Variants in UVRAG observed in about 807,000 individuals in gnomAD.
UVRAG encodes UV radiation resistance-associated gene protein.
Under a neutral mutation model 78.0 loss-of-function variants are expected in UVRAG, and 19 were observed. The ratio of observed to expected loss-of-function variants is 0.24; its 90% confidence interval spans 0.17 to 0.36. The LOEUF (loss-of-function observed/expected upper bound fraction) is 0.36, where lower values mean the gene tolerates loss of function less well. UVRAG is among the 10% of genes least tolerant of loss of function. The pLI, the probability that UVRAG is intolerant of heterozygous loss-of-function variation, is 1.00. For synonymous variants in UVRAG, 323 were observed against 324.6 expected, an observed-to-expected ratio of 1.00 and a Z score of 0.05; for missense variants, 740 against 853.8, an observed-to-expected ratio of 0.87 and a Z score of 1.66.
intron 4 of UVRAG, among the ~76,000 whole-genome samples, chr11:75,888,031 T>G (rs1484412208): frequency 1.3e-5 from 2 of 152,252 alleles, no homozygotes; most frequent in Admixed American, 1.3e-4. Context: ...AAGAGAGTGG[T>G]TTGCAGACAT....
chr11:75,991,326 T>C (rs904813838), intron 8 of UVRAG, among the ~76,000 whole-genome samples: 3 of 152,208 alleles, frequency 2.0e-5, no homozygotes, highest in African/African-American at 2.4e-5. Flanking sequence ...TGGCATATAT[T>C]TCTGCATATC....
chr11:76,121,591 G>A (rs1045653762), intron 14 of UVRAG, among the ~76,000 whole-genome samples: 7 of 152,158 alleles, frequency 4.6e-5, no homozygotes, highest in Admixed American at 4.6e-4. Context: ...GAGATTATGT[G>A]CGAGGTTGCT....
At chr11:76,072,662 G>A (rs967288721) in intron 13 of UVRAG, among the ~76,000 whole-genome samples, 1 of 152,180 alleles carries the variant, frequency 6.6e-6, no homozygotes, top group African/African-American at 2.4e-5. Flanking sequence ...TTTTTAATGT[G>A]AAGATGAATT....
intron 1 of UVRAG, among the ~76,000 whole-genome samples, chr11:75,834,776 T>C (rs536322779): frequency 6.6e-6 from 1 of 152,192 alleles, no homozygotes; most frequent in East Asian, 1.9e-4. Flanking sequence ...ATTGTGCCAC[T>C]GCATTCCAGC....
At chr11:75,903,544 A>G (rs1204881768) in intron 5 of UVRAG, among the ~76,000 whole-genome samples, 2 of 152,182 alleles carry the variant, frequency 1.3e-5, no homozygotes, top group Non-Finnish European at 2.9e-5. Flanking sequence ...AAAGGTGTTC[A>G]GTCTGTGTGG....
At chr11:75,826,862 AT>A (rs1393016910) in intron 1 of UVRAG, among the ~76,000 whole-genome samples, 7 of 152,078 alleles carry the variant, frequency 4.6e-5, no homozygotes, top group Non-Finnish European at 1.0e-4. Context: ...CATTTTACTT[AT>A]CCATTCTTTG....
At position 75,888,809 on chromosome 11, in the gene UVRAG, G is replaced by A. The variant is rs375782413; in HGVS notation, c.433-20G>A. The A allele has an allele frequency of 8.8e-6, 14 of 1,598,988 alleles. No homozygotes were observed. Among genetic ancestry groups the A allele is most frequent in the African/African-American group, 1.3e-5 (1 of 74,416 alleles). The stretch of plus-strand genomic sequence containing the variant: ...GATCGGAATAAAAATAACAAATACT[G>A]TATTTTCCTCCTCTCTTAGATTCAT... On this transcript the variant is annotated intron_variant, in intron 4 of 14. Transcript: ENST00000356136.
At chr11:75,996,245 CAA>C (rs5792707) in intron 8 of UVRAG, among the ~76,000 whole-genome samples, 2,569 of 145,698 alleles carry the variant, frequency 0.018, 41 homozygotes, top group African/African-American at 0.037. Context: ...GTAACATTTA[CAA>C]AAAAAAAAAA....
chr11:75,972,497 C>G (rs910462539), intron 7 of UVRAG, among the ~76,000 whole-genome samples: 1 of 152,122 alleles, frequency 6.6e-6, no homozygotes, highest in South Asian at 2.1e-4. Context: ...GTGGTTTCAT[C>G]ATTTGGTGAA....
At chr11:76,124,103 T>C (rs576728512) in intron 14 of UVRAG, among the ~76,000 whole-genome samples, 2 of 152,260 alleles carry the variant, frequency 1.3e-5, no homozygotes, top group East Asian at 3.8e-4. Flanking sequence ...CCACCAGTTA[T>C]TGGGAAACTA....
chr11:75,818,582 G>A (rs967299492), intron 1 of UVRAG, among the ~76,000 whole-genome samples: 11 of 151,448 alleles, frequency 7.3e-5, no homozygotes, highest in African/African-American at 2.7e-4. Context: ...GGGTTCAAGC[G>A]ATTCTCCTGC....
chr11:76,031,592 G>A (rs323634), intron 12 of UVRAG, among the ~76,000 whole-genome samples: 1 of 152,202 alleles, frequency 6.6e-6, no homozygotes, highest in African/African-American at 2.4e-5. Context: ...ATACAGTAAT[G>A]TAATGGGACA....
chr11:76,097,350 C>T (rs1003396170), intron 13 of UVRAG, among the ~76,000 whole-genome samples: 6 of 152,146 alleles, frequency 3.9e-5, no homozygotes, highest in African/African-American at 9.7e-5. Context: ...CTGTTTCTCA[C>T]GTTCTCTCGT....
In UVRAG at chr11:76,045,194, A is replaced by AG. The variant is rs1950725982; in HGVS notation, c.1227-20514dup. Among the ~76,000 whole-genome samples, 3 of 152,228 alleles carry AG rather than the reference A, an allele frequency of 2.0e-5. No homozygotes were observed. The South Asian group carries it at 6.2e-4, about 31-fold the overall frequency. On this transcript the variant is annotated intron_variant, in intron 12 of 14. Coordinates refer to ENST00000356136, the MANE Select transcript of UVRAG (RefSeq NM_003369.4). Reference sequence around the variant, plus strand: ...AGACAGCTAGCATAACTGAGGGCAGAGGTGCCAGCTGAAAAAAGGAATTGA... The same window carrying AG: ...AGACAGCTAGCATAACTGAGGGCAGAGGGTGCCAGCTGAAAAAAGGAATTGA...
chr11:75,858,000 C>T (rs1008225706), intron 2 of UVRAG, among the ~76,000 whole-genome samples: 7 of 152,076 alleles, frequency 4.6e-5, no homozygotes, highest in African/African-American at 1.7e-4. Flanking sequence ...TCTCTTCCCA[C>T]TAGAATGTAA....
At chr11:75,939,753 AAGG>A (rs1290157057) in intron 6 of UVRAG, among the ~76,000 whole-genome samples, 2 of 152,154 alleles carry the variant, frequency 1.3e-5, no homozygotes, top group African/African-American at 4.8e-5. Flanking sequence ...AGGGAGGAAA[AAGG>A]AGAGTGTGGT....
At chr11:75,839,952 G>T (rs1264695574) in intron 1 of UVRAG, among the ~76,000 whole-genome samples, 1 of 151,906 alleles carries the variant, frequency 6.6e-6, no homozygotes, top group Non-Finnish European at 1.5e-5. Flanking sequence ...ATTAACTCAT[G>T]TTGGATCTTG....
chr11:75,938,881 T>C (rs1948430426), intron 6 of UVRAG, among the ~76,000 whole-genome samples: 1 of 152,212 alleles, frequency 6.6e-6, no homozygotes, highest in African/African-American at 2.4e-5. Context: ...CACTCATGGC[T>C]TCCCTGGACT....
chr11:75,885,193 T>G (rs1176873058), intron 4 of UVRAG, among the ~76,000 whole-genome samples: 1 of 152,118 alleles, frequency 6.6e-6, no homozygotes, highest in African/African-American at 2.4e-5. Flanking sequence ...GCTTGTATTC[T>G]ACACCCTTGC....
Sources: gnomAD v4.1 joint callset for allele counts (sites outside exome capture counted in the v4.1 genomes callset) on GRCh38, gnomAD v4.1.1 for gene constraint, MANE v1.5 for transcripts, NCBI Gene and HGNC (gene_info 2026-07-23, HGNC 2026-07-21) for gene names.